MRRF: variants seen among roughly 807,000 people sequenced by gnomAD.
The protein encoded by MRRF is ribosome-recycling factor, mitochondrial.
MRRF carries 18 observed loss-of-function variants against 25.1 expected under a neutral mutation model. The observed-to-expected ratio is 0.72, with a 90% confidence interval of 0.50 to 1.06. The LOEUF is 1.06. Ranked by LOEUF, MRRF falls within the 50% of genes least tolerant of loss-of-function variation. MRRF has a pLI of 0.00. For synonymous variants in MRRF, 113 were observed against 112.1 expected (o/e 1.01, Z -0.05); for missense variants, 323 against 319.3 (o/e 1.01, Z -0.09).
At position 122,281,644 on chromosome 9, in the gene MRRF, A is replaced by C. The variant is rs1438199168; in HGVS notation, c.340+1046A>C. Among the ~76,000 whole-genome samples, 3 of 152,208 alleles carry C rather than the reference A, an allele frequency of 2.0e-5. No homozygotes were observed. In the East Asian group the frequency reaches 5.8e-4, roughly 29 times the overall value. ...TATTATTTTAGGTATGAAACTGATA[A>C]AGTGCTCTGTCTCCCCTGTGTTTTC... is the stretch of plus-strand genomic sequence containing the variant. On this transcript the variant is annotated intron_variant, in intron 3 of 6. Transcript: ENST00000344641.
chr9:122,313,116 A>T (rs973232494), intron 5 of MRRF, 111 bp from the exon 6 acceptor site: 58 of 1,135,178 alleles, frequency 5.1e-5, no homozygotes, highest in Admixed American at 1.4e-4. Flanking sequence ...AGTTCAGCCC[A>T]CAGAGAGGAA....
Position 122,320,263 on chromosome 9 carries a change from T to G in MRRF, c.712-2277T>G, listed in dbSNP as rs911683385. Among the ~76,000 whole-genome samples, 20 of 152,184 alleles carry G rather than the reference T, an allele frequency of 1.3e-4. 1 individual carries two copies. Among genetic ancestry groups the G allele is most frequent in the African/African-American group, 4.6e-4 (19 of 41,432 alleles). On this transcript the variant is annotated intron_variant, in intron 6 of 6. Transcript: ENST00000344641. ...GCAAATAACCAGTTTAAAATGTGCATGCATATTAATTTGATAGATGAGGAA... is the reference window on the plus strand; with the variant it reads ...GCAAATAACCAGTTTAAAATGTGCAGGCATATTAATTTGATAGATGAGGAA...
At chr9:122,301,621 C>G (rs577210719) in intron 5 of MRRF, among the ~76,000 whole-genome samples, 34 of 152,058 alleles carry the variant, frequency 2.2e-4, no homozygotes, top group African/African-American at 6.5e-4. Context: ...AGGTCTGACA[C>G]CAGTGAAGAA....
intron 5 of MRRF, among the ~76,000 whole-genome samples, chr9:122,300,539 T>C (rs1340713099): frequency 6.6e-6 from 1 of 152,244 alleles, no homozygotes; most frequent in Non-Finnish European, 1.5e-5. Flanking sequence ...AGAGTATTTG[T>C]TATTATCTAA....
intron 5 of MRRF, among the ~76,000 whole-genome samples, chr9:122,298,137 A>G (rs1337582847): frequency 6.6e-6 from 1 of 152,162 alleles, no homozygotes; most frequent in Non-Finnish European, 1.5e-5. Flanking sequence ...TTTTACTTGT[A>G]AGTCTGTATT....
At chr9:122,269,176 AAAAT>A (rs1832302284) in intron 1 of MRRF, among the ~76,000 whole-genome samples, 1 of 151,812 alleles carries the variant, frequency 6.6e-6, no homozygotes. Flanking sequence ...AAAAAAAAAA[AAAAT>A]AATAATAATA....
At chr9:122,296,446 C>G (rs1358786356) in intron 5 of MRRF, among the ~76,000 whole-genome samples, 3 of 152,136 alleles carry the variant, frequency 2.0e-5, no homozygotes, top group African/African-American at 7.2e-5. Flanking sequence ...AATTTCTCCC[C>G]AAATTCTTAC....
In MRRF at chr9:122,322,956, A is replaced by C; in HGVS notation, c.*339A>C. 2.7e-6 allele frequency: 1 copy of C among 377,240 alleles called. No individual in the cohort carries two copies. The highest frequency in any genetic ancestry group is 5.1e-5 in the East Asian group (1 of 19,626). 23.4% of individuals were successfully genotyped at this position (377,240 alleles called of 1,614,324 possible). A position where few individuals can be genotyped will look rare whatever the true frequency, so the allele number is the denominator to read the frequency against. ...ATCTTAGGAGTCTCCTTTTCAAATA[A>C]TTAGGCTCTGTTCCCATTTTAAAAC... is the stretch of plus-strand genomic sequence containing the variant. On this transcript the variant is annotated 3_prime_UTR_variant, in exon 7 of 7. Coordinates refer to ENST00000344641, the MANE Select transcript of MRRF (RefSeq NM_138777.5).
At chr9:122,296,375 C>G (rs898841880) in intron 5 of MRRF, among the ~76,000 whole-genome samples, 4 of 152,078 alleles carry the variant, frequency 2.6e-5, no homozygotes, top group African/African-American at 7.2e-5. Context: ...TTTTAGGTAC[C>G]ATTTATCAAC....
intron 5 of MRRF, among the ~76,000 whole-genome samples, chr9:122,302,087 A>G (rs561011333): frequency 8.6e-4 from 131 of 152,112 alleles, no homozygotes; most frequent in South Asian, 7.1e-3. Flanking sequence ...GTCTGTCTCT[A>G]CTGCCGTGAG....
Position 122,323,009 on chromosome 9 carries a change from G to C in MRRF, c.*392G>C, listed in dbSNP as rs1835978483. The C allele has an allele frequency of 3.6e-6, 1 of 279,962 alleles. No homozygotes were observed. The highest frequency in any genetic ancestry group is 2.1e-5 in the African/African-American group (1 of 46,618). 17.3% of individuals were successfully genotyped at this position (279,962 alleles called of 1,614,324 possible). On this transcript the variant is annotated 3_prime_UTR_variant, in exon 7 of 7. Coordinates refer to ENST00000344641, the MANE Select transcript of MRRF (RefSeq NM_138777.5). ...TGATATTGGCCTTCACCTGTGACTGGACACTTTACTAGAGGCCCATTTTCA... is the reference window on the plus strand; with the variant it reads ...TGATATTGGCCTTCACCTGTGACTGCACACTTTACTAGAGGCCCATTTTCA...
Position 122,331,218 on chromosome 9 carries a change from AAAT to A in MRRF, c.*8604_*8606del, listed in dbSNP as rs1836273932. 6.6e-6 allele frequency: 1 copy of A among 152,226 alleles called. No individual in the cohort carries two copies. Among genetic ancestry groups the A allele is most frequent in the African/African-American group, 2.4e-5 (1 of 41,462 alleles). The allele number at this position is 152,226 out of a possible 1,614,324, so 9.4% of individuals were successfully genotyped here. A position where few individuals can be genotyped will look rare whatever the true frequency, so the allele number is the denominator to read the frequency against. ...TCACCCATCGGGGGCAAAATAAGTA[AAAT>A]AAAAGTAATGTAGCAAATGTTTTTA... is the stretch of plus-strand genomic sequence containing the variant. On this transcript the variant is annotated 3_prime_UTR_variant, in exon 7 of 7. Coordinates refer to ENST00000344641, the MANE Select transcript of MRRF (RefSeq NM_138777.5).
At chr9:122,269,914 T>C (rs995133841) in intron 1 of MRRF, among the ~76,000 whole-genome samples, 2 of 152,132 alleles carry the variant, frequency 1.3e-5, no homozygotes, top group Non-Finnish European at 1.5e-5. Flanking sequence ...GTTGAAGAAA[T>C]CAAGGAGCAG....
At position 122,324,414 on chromosome 9, in the gene MRRF, C is replaced by G. The variant is rs966194580; in HGVS notation, c.*1797C>G. The G allele has an allele frequency of 6.6e-6, 1 of 152,236 alleles. No individual in the cohort carries two copies. Among genetic ancestry groups the G allele is most frequent in the African/African-American group, 2.4e-5 (1 of 41,448 alleles). The allele number at this position is 152,236 out of a possible 1,614,324, so 9.4% of individuals were successfully genotyped here. On this transcript the variant is annotated 3_prime_UTR_variant, in exon 7 of 7. Transcript: ENST00000344641. ...TGCCTTCTCTGGGCTCACACTCTCT[C>G]AGCACCTCACCAATCTGGAAGGAAC... is the stretch of plus-strand genomic sequence containing the variant.
chr9:122,290,297 T>C (rs1204441657), intron 4 of MRRF, among the ~76,000 whole-genome samples: 1 of 152,108 alleles, frequency 6.6e-6, no homozygotes, highest in Non-Finnish European at 1.5e-5. Flanking sequence ...GTGACCCTAT[T>C]CTACAAGTTC....
Position 122,303,604 on chromosome 9 carries a change from T to G in MRRF, c.552-9623T>G, listed in dbSNP as rs377201018. ...AGTGTTTCCCAGGTTTTTCTTGAGCTCCTGGGCTCAAGCAATCCTCACCTC... is the reference window on the plus strand; with the variant it reads ...AGTGTTTCCCAGGTTTTTCTTGAGCGCCTGGGCTCAAGCAATCCTCACCTC... On this transcript the variant is annotated intron_variant, in intron 5 of 6. Coordinates refer to ENST00000344641, the MANE Select transcript of MRRF (RefSeq NM_138777.5). 2.5e-3 allele frequency among the ~76,000 whole-genome samples: 378 copies of G among 152,240 alleles called. 3 individuals are homozygous for G. Among genetic ancestry groups the G allele is most frequent in the African/African-American group, 8.6e-3 (358 of 41,532 alleles).
intron 1 of MRRF, chr9:122,265,624 G>A: frequency 2.0e-6 from 1 of 511,976 alleles, no homozygotes; most frequent in Non-Finnish European, 3.4e-6. Flanking sequence ...TGGAAAGAAT[G>A]AAAACCTGAT....
chr9:122,316,584 AG>A (rs1429344785), intron 6 of MRRF, among the ~76,000 whole-genome samples: 1 of 152,088 alleles, frequency 6.6e-6, no homozygotes, highest in African/African-American at 2.4e-5. Flanking sequence ...TACTGTCAGA[AG>A]GCCCCAGACT....
In MRRF at chr9:122,322,570, G is replaced by A. The variant is rs762098604; in HGVS notation, c.742G>A (p.Glu248Lys). 80 of 1,614,078 alleles carry A rather than the reference G, an allele frequency of 5.0e-5. No individual in the cohort carries two copies. Among genetic ancestry groups the A allele is most frequent in the Non-Finnish European group, 6.6e-5 (78 of 1,180,042 alleles). ...ISQMADDTVA[E>K]LDRHLAVKTK... ...CCAAATGGCCGATGACACAGTGGCAGAACTGGACAGGCATCTGGCAGTGAA... is the reference window on the plus strand; with the variant it reads ...CCAAATGGCCGATGACACAGTGGCAAAACTGGACAGGCATCTGGCAGTGAA... The change falls in exon 7 of 7, where the codon GAA becomes AAA. Residue 248 changes from glutamate to lysine, a missense_variant. Glu to Lys is a moderately conservative substitution (Grantham distance 56). Coordinates refer to ENST00000344641, the MANE Select transcript of MRRF (RefSeq NM_138777.5).
Sources: gnomAD v4.1 joint callset for allele counts (sites outside exome capture counted in the v4.1 genomes callset) on GRCh38, gnomAD v4.1.1 for gene constraint, MANE v1.5 for transcripts, NCBI Gene and HGNC (gene_info 2026-07-23, HGNC 2026-07-21) for gene names.